The following TRIP11 variants were observed in gnomAD, a reference collection of about 807,000 sequenced individuals.
The protein encoded by TRIP11 is thyroid receptor-interacting protein 11.
Under a neutral mutation model 223.1 loss-of-function variants are expected in TRIP11, and 148 were observed. The observed-to-expected ratio is 0.66, with a 90% CI of 0.58 to 0.76. TRIP11 has a LOEUF of 0.76. TRIP11 is among the 30% of genes least tolerant of loss of function. The probability of loss-of-function intolerance (pLI) is 0.00; values close to 1 mark genes in which losing one functional copy is unlikely to be tolerated. For missense variants in TRIP11, 2,043 were observed against 2,222.0 expected (o/e 0.92, Z 1.62); for synonymous variants, 762 against 772.6 (o/e 0.99, Z 0.23).
chr14:92,026,566 A>G (rs2057190086), intron 2 of TRIP11: 3 of 1,270,772 alleles, frequency 2.4e-6, no homozygotes, highest in African/African-American at 2.9e-5. Flanking sequence ...GTGCCCTACC[A>G]TGTCAGACGC....
In TRIP11 at chr14:92,010,969, A is replaced by AT; in HGVS notation, c.1314+16dup. On this transcript the variant is annotated intron_variant, in intron 9 of 20. Coordinates refer to ENST00000267622, the MANE Select transcript of TRIP11 (RefSeq NM_004239.4). The stretch of plus-strand genomic sequence containing the variant: ...CACATACCATTTTAATTCTGCCCCC[A>AT]TTTTTACAGCACCCACCTTTTCTTG... The AT allele has an allele frequency of 6.2e-7, 1 of 1,612,984 alleles. No individual in the cohort carries two copies. Among genetic ancestry groups the AT allele is most frequent in the Non-Finnish European group, 8.5e-7 (1 of 1,179,266 alleles).
intron 1 of TRIP11, among the ~76,000 whole-genome samples, chr14:92,038,221 T>G (rs772088288): frequency 6.6e-6 from 1 of 152,112 alleles, no homozygotes; most frequent in Non-Finnish European, 1.5e-5. Flanking sequence ...GAGAACAAAA[T>G]GAACACCACC....
intron 4 of TRIP11, among the ~76,000 whole-genome samples, chr14:92,018,026 T>A (rs1023018366): frequency 6.6e-6 from 1 of 152,062 alleles, no homozygotes; most frequent in Non-Finnish European, 1.5e-5. Context: ...TAGAATATTT[T>A]ACTTAGCTTG....
chr14:92,033,345 A>G, intron 1 of TRIP11, 92 bp from the exon 2 acceptor site: 1 of 1,028,160 alleles, frequency 9.7e-7, no homozygotes, highest in Non-Finnish European at 1.5e-6. Flanking sequence ...CACTGAGTTT[A>G]CACAGAATAG....
chr14:92,016,125 G>A (rs1395414498), intron 5 of TRIP11, among the ~76,000 whole-genome samples: 1 of 152,186 alleles, frequency 6.6e-6, no homozygotes, highest in Non-Finnish European at 1.5e-5. Flanking sequence ...AAGTAAAAAT[G>A]TCTTTTCCTT....
In TRIP11 at chr14:91,971,991, G is replaced by GA; in HGVS notation, c.5719+725dup. On this transcript the variant is annotated intron_variant, in intron 20 of 20. Coordinates refer to ENST00000267622, the MANE Select transcript of TRIP11 (RefSeq NM_004239.4). Reference sequence around the variant, plus strand: ...TAAACATATTAGTCTATTAAAATATGAAGATTTCAGAAGAGCTCTTCCAAT... The same window carrying GA: ...TAAACATATTAGTCTATTAAAATATGAAAGATTTCAGAAGAGCTCTTCCAAT... 1.3e-5 allele frequency among the ~76,000 whole-genome samples: 2 copies of GA among 152,236 alleles called. 1 individual carries two copies. Among genetic ancestry groups the GA allele is most frequent in the East Asian group, 3.9e-4 (2 of 5,192 alleles).
intron 15 of TRIP11, among the ~76,000 whole-genome samples, chr14:91,990,801 ACT>A (rs1437293096): frequency 6.6e-6 from 1 of 152,128 alleles, no homozygotes; most frequent in Non-Finnish European, 1.5e-5. Context: ...ACAAAGCAAG[ACT>A]CTGTCTCTAA....
At chr14:92,033,892 G>A (rs1016206117) in intron 1 of TRIP11, among the ~76,000 whole-genome samples, 5 of 152,096 alleles carry the variant, frequency 3.3e-5, no homozygotes, top group Non-Finnish European at 7.3e-5. Context: ...CATACCCCCC[G>A]AGTCTGCTTT....
intron 16 of TRIP11, among the ~76,000 whole-genome samples, chr14:91,985,896 T>C (rs1212585648): frequency 6.6e-6 from 1 of 152,106 alleles, no homozygotes; most frequent in Non-Finnish European, 1.5e-5. Flanking sequence ...AAATCAAGAG[T>C]GCAGCTTTGA....
rs750070066 is a variant in TRIP11, at chr14:92,021,635, G to A, written c.509C>T (p.Ser170Phe). ...DDMDFGDIIS[S>F]QQEINRLSNE... ...TGAGAGTCGGTTTATTTCTTGTTGGGATGAAATTATATCACCAAAGTCCAT... is the reference window on the plus strand; with the variant it reads ...TGAGAGTCGGTTTATTTCTTGTTGGAATGAAATTATATCACCAAAGTCCAT... Residue 170 changes from serine to phenylalanine, a missense_variant, in exon 4 of 21, where the codon TCC becomes TTC. Transcript: ENST00000267622. 6 of 1,613,976 alleles carry A rather than the reference G, an allele frequency of 3.7e-6. No individual in the cohort carries two copies. Among genetic ancestry groups the A allele is most frequent in the Admixed American group, 1.7e-5 (1 of 59,986 alleles).
chr14:92,039,582 T>G lies in TRIP11; in HGVS notation c.104A>C (p.Lys35Thr), dbSNP rs753447027. ...CTCCGTGCCCTCCATCAGCATATCC[T>G]TTGTAAAGTTTGATATCTGGCCAGT... ...SLTGQISNFTKDMLMEGTEEV... is the reference protein window; with the variant it reads ...SLTGQISNFTTDMLMEGTEEV... The change falls in exon 1 of 21, where the codon AAG becomes ACG. Residue 35 changes from lysine (K) to threonine (T), a missense_variant. Physicochemically the swap from Lys to Thr is moderately conservative, Grantham distance 78 (BLOSUM62 -1). Transcript: ENST00000267622. The G allele has an allele frequency of 1.9e-6, 3 of 1,613,928 alleles. No individual in the cohort carries two copies. In the South Asian group the frequency reaches 3.3e-5, roughly 18 times the overall value.
intron 19 of TRIP11, 102 bp downstream of exon 19, chr14:91,974,525 T>C: frequency 1.0e-6 from 1 of 957,142 alleles, no homozygotes; most frequent in Non-Finnish European, 1.6e-6. Context: ...AATAAAAGGG[T>C]TGTATAAAAT....
intron 15 of TRIP11, among the ~76,000 whole-genome samples, chr14:91,992,990 T>G (rs1203631925): frequency 6.7e-6 from 1 of 150,228 alleles, no homozygotes; most frequent in Non-Finnish European, 1.5e-5. Context: ...GTCCTATCTC[T>G]TCATAGGGGT....
intron 12 of TRIP11, 98 bp from the exon 13 acceptor site, chr14:91,999,531 A>G: frequency 7.8e-7 from 1 of 1,280,164 alleles, no homozygotes. Context: ...TGAAGATATT[A>G]ATTGTATACC....
intron 2 of TRIP11, among the ~76,000 whole-genome samples, chr14:92,027,380 T>C (rs1055015638): frequency 1.3e-5 from 2 of 152,162 alleles, no homozygotes; most frequent in Non-Finnish European, 2.9e-5. Context: ...TTTGTGTATG[T>C]ACTTAGCTGT....
At chr14:92,035,213 A>C (rs1264065692) in intron 1 of TRIP11, among the ~76,000 whole-genome samples, 1 of 151,744 alleles carries the variant, frequency 6.6e-6, no homozygotes, top group African/African-American at 2.4e-5. Flanking sequence ...CCACCTACTT[A>C]GGAGGCTGAG....
chr14:92,034,360 T>C (rs1262615065), intron 1 of TRIP11, among the ~76,000 whole-genome samples: 1 of 150,970 alleles, frequency 6.6e-6, no homozygotes, highest in Non-Finnish European at 1.5e-5. Flanking sequence ...GAGGTGGAGG[T>C]TGCAGTGAGC....
In TRIP11 at chr14:92,039,945, G is replaced by A. The variant is rs2057366812; in HGVS notation, c.-260C>T. 2 of 599,478 alleles carry A rather than the reference G, an allele frequency of 3.3e-6. No homozygotes were observed. Among genetic ancestry groups the A allele is most frequent in the Middle Eastern group, 4.7e-4 (1 of 2,116 alleles). 37.1% of individuals were successfully genotyped at this position (599,478 alleles called of 1,614,324 possible). Reference sequence around the variant, plus strand: ...CTGCTCATTCCCACGAATTCCCACCGTCCAGATTGGGCCACTTCTTTCTCA... The same window carrying A: ...CTGCTCATTCCCACGAATTCCCACCATCCAGATTGGGCCACTTCTTTCTCA... On this transcript the variant is annotated 5_prime_UTR_variant, in exon 1 of 21. It adds an upstream start codon to the 5' untranslated region. Transcript: ENST00000267622.
chr14:91,969,063 T>C lies in TRIP11; in HGVS notation c.*610A>G, dbSNP rs111671120. 7 of 222,818 alleles carry C rather than the reference T, an allele frequency of 3.1e-5. No homozygotes were observed. In the South Asian group the frequency reaches 7.3e-4, roughly 23 times the overall value. 13.8% of individuals were successfully genotyped at this position (222,818 alleles called of 1,614,324 possible). On this transcript the variant is annotated 3_prime_UTR_variant, in exon 21 of 21. Transcript: ENST00000267622. Reference sequence around the variant, plus strand: ...GGAGTTTGAGGCCAGCCTGGCAACATAGTGAGACCCCATCTCTATTTAAAA... The same window carrying C: ...GGAGTTTGAGGCCAGCCTGGCAACACAGTGAGACCCCATCTCTATTTAAAA...
Sources: allele counts gnomAD v4.1 joint callset (sites outside exome capture counted in the v4.1 genomes callset), GRCh38; gene constraint gnomAD v4.1.1; transcripts MANE v1.5; gene names NCBI Gene and HGNC (gene_info 2026-07-23, HGNC 2026-07-21).